Variants in TBCEL observed in about 807,000 individuals in gnomAD.
The protein encoded by TBCEL is tubulin folding cofactor E like.
In TBCEL, 15 loss-of-function variants were observed where a neutral mutation model predicts 44.2. The ratio of observed to expected loss-of-function variants is 0.34; its 90% CI spans 0.23 to 0.52. The LOEUF is 0.52. TBCEL is among the 20% of genes least tolerant of loss of function. TBCEL has a pLI of 0.95. For synonymous variants in TBCEL, 171 were observed against 185.4 expected (o/e 0.92, Z 0.63); for missense variants, 319 against 506.3 (o/e 0.63, Z 3.55).
At chr11:121,030,200 T>C (rs1018275256) in intron 1 of TBCEL, among the ~76,000 whole-genome samples, 5 of 151,996 alleles carry the variant, frequency 3.3e-5, no homozygotes, top group African/African-American at 7.3e-5. Flanking sequence ...TAGGGGGAAA[T>C]CAGCTTGGCA....
At chr11:121,043,194 C>A (rs965352634) in intron 2 of TBCEL, among the ~76,000 whole-genome samples, 1 of 152,110 alleles carries the variant, frequency 6.6e-6, no homozygotes, top group Non-Finnish European at 1.5e-5. Flanking sequence ...ATCCTGAATT[C>A]TCTGCCCTTT....
In TBCEL at chr11:121,051,514, G is replaced by T. The variant is rs139346908; in HGVS notation, c.274-2037G>T. On this transcript the variant is annotated intron_variant, in intron 4 of 8. Coordinates refer to ENST00000683345, the MANE Select transcript of TBCEL (RefSeq NM_001363644.2). ...AGCATCTTCTGTATGAAAGTTCTTCGTATCGGTATTCAATCATAGAATGCA... is the reference window on the plus strand; with the variant it reads ...AGCATCTTCTGTATGAAAGTTCTTCTTATCGGTATTCAATCATAGAATGCA... Among the ~76,000 whole-genome samples, 279 of 151,720 alleles carry T rather than the reference G, an allele frequency of 1.8e-3. 1 individual carries two copies. Among genetic ancestry groups the T allele is most frequent in the Middle Eastern group, 3.4e-3 (1 of 294 alleles).
chr11:121,071,258 C>A (rs1276404300), intron 8 of TBCEL, among the ~76,000 whole-genome samples: 1 of 152,082 alleles, frequency 6.6e-6, no homozygotes, highest in East Asian at 1.9e-4. Flanking sequence ...TTAGTGCTTA[C>A]CTAATACACA....
chr11:121,061,126 A>C (rs1945713732), intron 8 of TBCEL, among the ~76,000 whole-genome samples: 1 of 152,060 alleles, frequency 6.6e-6, no homozygotes, highest in South Asian at 2.1e-4. Flanking sequence ...TTTTAAAAAC[A>C]ATCTGAGAAC....
chr11:121,064,491 G>T (rs1425836478), intron 8 of TBCEL, among the ~76,000 whole-genome samples: 1 of 152,190 alleles, frequency 6.6e-6, no homozygotes, highest in African/African-American at 2.4e-5. Context: ...TATTGGAAAA[G>T]ATTCATGCAT....
At chr11:121,052,145 C>T (rs1374400611) in intron 4 of TBCEL, among the ~76,000 whole-genome samples, 1 of 151,762 alleles carries the variant, frequency 6.6e-6, no homozygotes, top group Non-Finnish European at 1.5e-5. Flanking sequence ...GATAATGGTT[C>T]ATATTATGCT....
In TBCEL at chr11:121,087,123, C is replaced by T. The variant is rs773121410; in HGVS notation, c.*27C>T. On this transcript the variant is annotated 3_prime_UTR_variant, in exon 9 of 9. Transcript: ENST00000683345. The stretch of plus-strand genomic sequence containing the variant: ...CTCTACCAGCCTTGTGAAAAACATA[C>T]ACATAAGGACTTGTTGCAGGGCATT... 1.3e-6 allele frequency: 2 copies of T among 1,576,500 alleles called. No homozygotes were observed. Among genetic ancestry groups the T allele is most frequent in the South Asian group, 1.2e-5 (1 of 85,534 alleles).
At chr11:121,063,394 A>G (rs983489602) in intron 8 of TBCEL, among the ~76,000 whole-genome samples, 1 of 152,172 alleles carries the variant, frequency 6.6e-6, no homozygotes, top group Non-Finnish European at 1.5e-5. Context: ...TCCTTGCACA[A>G]ATGAAAATAC....
chr11:121,088,032 A>G lies in TBCEL; in HGVS notation c.*936A>G, dbSNP rs1946243620. 1 of 152,222 alleles carries G rather than the reference A, an allele frequency of 6.6e-6. No individual in the cohort carries two copies. 9.4% of individuals were successfully genotyped at this position (152,222 alleles called of 1,614,324 possible). ...CCTGACTTCATAAATAATTCAATAGAGTCCTGGATACGTGCACCAGGAGAG... is the reference window on the plus strand; with the variant it reads ...CCTGACTTCATAAATAATTCAATAGGGTCCTGGATACGTGCACCAGGAGAG... On this transcript the variant is annotated 3_prime_UTR_variant, in exon 9 of 9. Coordinates refer to ENST00000683345, the MANE Select transcript of TBCEL (RefSeq NM_001363644.2).
At chr11:121,077,628 A>G (rs1237552176) in intron 8 of TBCEL, among the ~76,000 whole-genome samples, 1 of 151,994 alleles carries the variant, frequency 6.6e-6, no homozygotes, top group African/African-American at 2.4e-5. Context: ...ATTTCTGCTC[A>G]TATCTTTATT....
chr11:121,029,431 C>CT (rs1945105178), intron 1 of TBCEL, among the ~76,000 whole-genome samples: 1 of 152,150 alleles, frequency 6.6e-6, no homozygotes, highest in Non-Finnish European at 1.5e-5. Flanking sequence ...GCTTCAAAAA[C>CT]TTTATTTCAT....
chr11:121,048,861 C>T (rs763441113), intron 4 of TBCEL, among the ~76,000 whole-genome samples: 1 of 151,888 alleles, frequency 6.6e-6, no homozygotes, highest in African/African-American at 2.4e-5. Context: ...ACCCACTGCT[C>T]TCTTTCTTTT....
intron 7 of TBCEL, 23 bp downstream of exon 7, chr11:121,058,494 C>T (rs1269428644): frequency 6.2e-7 from 1 of 1,609,430 alleles, no homozygotes; most frequent in East Asian, 2.2e-5. Flanking sequence ...GATCGTTTTG[C>T]TTTATTTTTG....
chr11:121,029,488 A>G (rs1945106481), intron 1 of TBCEL, among the ~76,000 whole-genome samples: 1 of 152,252 alleles, frequency 6.6e-6, no homozygotes, highest in Non-Finnish European at 1.5e-5. Flanking sequence ...GCTTCATTTT[A>G]CAAGTGAGGA....
chr11:121,040,553 T>C (rs766598982), intron 2 of TBCEL, among the ~76,000 whole-genome samples: 6 of 152,114 alleles, frequency 3.9e-5, no homozygotes, highest in Non-Finnish European at 7.4e-5. Flanking sequence ...CTGCTTGCTT[T>C]TTCTGTGCTG....
rs141040997 is a variant in TBCEL at position 121,059,571 on chromosome 11, TTATA to T, written c.840-394_840-391del. Among the ~76,000 whole-genome samples the T allele has an allele frequency of 5.2e-3, 793 of 152,166 alleles. 5 individuals carry two copies. Among genetic ancestry groups the T allele is most frequent in the African/African-American group, 0.017 (723 of 41,558 alleles). On this transcript the variant is annotated intron_variant, in intron 7 of 8. Transcript: ENST00000683345. The stretch of plus-strand genomic sequence containing the variant: ...AAATATTGATTACATGTCAAAATGA[TTATA>T]TATTCTGGATACATTGGGTTAAGTG...
chr11:121,045,729 A>T lies in TBCEL; in HGVS notation c.39A>T (p.Leu13Phe). ...QPSGRSFMQV[L>F]CEKYSPENFP... ...GTGGAAGAAGTTTCATGCAAGTATT[A>T]TGTGAAAAATATAGTCCTGAAAATT... The change falls in exon 3 of 9, where the codon TTA (leucine) becomes TTT (phenylalanine). Residue 13 changes from leucine (L) to phenylalanine (F), a missense_variant. Physicochemically the swap from Leu to Phe is conservative, Grantham distance 22. Coordinates refer to ENST00000683345, the MANE Select transcript of TBCEL (RefSeq NM_001363644.2). 2 of 1,609,726 alleles carry T rather than the reference A, an allele frequency of 1.2e-6. No individual in the cohort carries two copies. Among genetic ancestry groups the T allele is most frequent in the Non-Finnish European group, 1.7e-6 (2 of 1,178,638 alleles).
intron 7 of TBCEL, 39 bp from the exon 8 acceptor site, chr11:121,059,930 T>C (rs1945688944): frequency 1.4e-6 from 2 of 1,382,948 alleles, no homozygotes; most frequent in African/African-American, 1.4e-5. Context: ...AATATATTAG[T>C]ATCTTAAAAA....
At chr11:121,045,458 A>G (rs1341438411) in intron 2 of TBCEL, among the ~76,000 whole-genome samples, 1 of 152,094 alleles carries the variant, frequency 6.6e-6, no homozygotes, top group Non-Finnish European at 1.5e-5. Flanking sequence ...TCTGTATTGC[A>G]GATATATGCT....
Sources: gnomAD v4.1 joint callset for allele counts (sites outside exome capture counted in the v4.1 genomes callset) on GRCh38, gnomAD v4.1.1 for gene constraint, MANE v1.5 for transcripts, NCBI Gene and HGNC (gene_info 2026-07-23, HGNC 2026-07-21) for gene names.